The following LRRC49 variants were observed in gnomAD, a reference collection of about 807,000 sequenced individuals.
The protein encoded by LRRC49 is leucine rich repeat containing 49.
In LRRC49, 50 loss-of-function variants were observed where a neutral mutation model predicts 83.3. The ratio of observed to expected loss-of-function variants is 0.60; its 90% CI spans 0.48 to 0.76. LRRC49 has a LOEUF of 0.76. Among genes scored for constraint, LRRC49 ranks in the 30% least tolerant of loss-of-function variants. The pLI, the probability that LRRC49 is intolerant of heterozygous loss-of-function variation, is 0.00. For missense variants in LRRC49, 704 were observed against 809.1 expected (o/e 0.87, Z 1.58); for synonymous variants, 286 against 283.3 (o/e 1.01, Z -0.10).
chr15:70,954,162 T>G (rs2036317681), intron 8 of LRRC49, among the ~76,000 whole-genome samples: 1 of 152,246 alleles, frequency 6.6e-6, no homozygotes, highest in Non-Finnish European at 1.5e-5. Flanking sequence ...CCCAAAGTGC[T>G]GGGATTACAG....
At chr15:70,977,638 C>T (rs2037253616) in intron 9 of LRRC49, among the ~76,000 whole-genome samples, 1 of 152,030 alleles carries the variant, frequency 6.6e-6, no homozygotes, top group Non-Finnish European at 1.5e-5. Context: ...AAGCAAGACA[C>T]AAGACTGTCT....
At chr15:71,016,505 G>A (rs2038832060) in intron 14 of LRRC49, among the ~76,000 whole-genome samples, 2 of 151,780 alleles carry the variant, frequency 1.3e-5, no homozygotes, top group African/African-American at 2.4e-5. Context: ...ATGGAAAAAA[G>A]AAGTTCATAA....
intron 5 of LRRC49, among the ~76,000 whole-genome samples, chr15:70,905,992 G>A (rs552112988): frequency 5.6e-4 from 85 of 151,604 alleles, no homozygotes; most frequent in African/African-American, 2.0e-3. Flanking sequence ...CTTAGGAAAA[G>A]TATCTTAAAT....
chr15:70,892,298 C>T, upstream of LRRC49: 1 of 1,551,576 alleles, frequency 6.4e-7, no homozygotes, highest in Non-Finnish European at 8.7e-7. Context: ...TGCGCGGGAG[C>T]CGGGTTCCCT....
intron 14 of LRRC49, among the ~76,000 whole-genome samples, chr15:71,035,828 A>G (rs1477548019): frequency 6.6e-6 from 1 of 152,118 alleles, no homozygotes; most frequent in African/African-American, 2.4e-5. Flanking sequence ...GTTATAATAG[A>G]ATGACTTATA....
intron 7 of LRRC49, among the ~76,000 whole-genome samples, chr15:70,933,854 G>T (rs2035502808): frequency 6.6e-6 from 1 of 152,190 alleles, no homozygotes; most frequent in Non-Finnish European, 1.5e-5. Flanking sequence ...CTTGGACCAT[G>T]ATGTTAAACT....
intron 11 of LRRC49, among the ~76,000 whole-genome samples, chr15:70,995,697 G>A (rs537515468): frequency 3.3e-5 from 5 of 152,122 alleles, no homozygotes; most frequent in Non-Finnish European, 5.9e-5. Flanking sequence ...CTATTAACGT[G>A]ACTTTCATGA....
At chr15:70,892,173 C>G (rs1471087980), upstream of LRRC49, 1 of 1,611,226 alleles carries the variant, frequency 6.2e-7, no homozygotes, top group Non-Finnish European at 8.5e-7. Flanking sequence ...ACGAAGCGGT[C>G]CCAGAGCAGC....
chr15:70,888,186 T>G (rs909282263), upstream of LRRC49, among the ~76,000 whole-genome samples: 2 of 152,196 alleles, frequency 1.3e-5, no homozygotes, highest in Non-Finnish European at 2.9e-5. Flanking sequence ...AAATCAATTC[T>G]GAAATGTATC....
chr15:70,913,433 C>T (rs925242431), intron 6 of LRRC49, among the ~76,000 whole-genome samples: 5 of 152,104 alleles, frequency 3.3e-5, no homozygotes, highest in African/African-American at 1.2e-4. Flanking sequence ...TTGTCTGGCT[C>T]TGCAGGTTAG....
At chr15:70,936,214 T>G (rs2035592139) in intron 7 of LRRC49, among the ~76,000 whole-genome samples, 1 of 152,178 alleles carries the variant, frequency 6.6e-6, no homozygotes, top group African/African-American at 2.4e-5. Context: ...TACAGTACCC[T>G]TCAGTGACAC....
At chr15:70,932,753 G>A (rs111337321) in intron 7 of LRRC49, among the ~76,000 whole-genome samples, 5,002 of 122,010 alleles carry the variant, frequency 0.041, 144 homozygotes, top group Middle Eastern at 0.069. Flanking sequence ...TTTTTGAGAT[G>A]GAGTCTTGCT....
At chr15:70,996,698 C>G (rs1278660286) in intron 11 of LRRC49, among the ~76,000 whole-genome samples, 2 of 152,110 alleles carry the variant, frequency 1.3e-5, no homozygotes, top group Non-Finnish European at 2.9e-5. Context: ...GTATCTAAAT[C>G]TCTGTTTTTT....
chr15:70,948,660 A>G (rs1401294244), intron 8 of LRRC49, among the ~76,000 whole-genome samples: 2 of 152,046 alleles, frequency 1.3e-5, no homozygotes, highest in Non-Finnish European at 2.9e-5. Context: ...GCCCAACAAG[A>G]TGTTCCAGGC....
At chr15:71,032,724 C>T (rs1288027111) in intron 14 of LRRC49, among the ~76,000 whole-genome samples, 1 of 152,082 alleles carries the variant, frequency 6.6e-6, no homozygotes, top group East Asian at 1.9e-4. Flanking sequence ...AATCAATAAA[C>T]GTAATTCATC....
intron 3 of LRRC49, among the ~76,000 whole-genome samples, chr15:70,898,018 A>G (rs1354335840): frequency 6.6e-6 from 1 of 152,216 alleles, no homozygotes; most frequent in Non-Finnish European, 1.5e-5. Flanking sequence ...GGTTACCAAA[A>G]CAATCTCAAA....
At chr15:71,040,931 A>C (rs1230774138) in intron 15 of LRRC49, among the ~76,000 whole-genome samples, 3 of 152,174 alleles carry the variant, frequency 2.0e-5, no homozygotes, top group African/African-American at 7.2e-5. Flanking sequence ...GAACTGCAAG[A>C]AGCTTTTAGG....
chr15:70,923,672 T>C (rs1216657646), intron 7 of LRRC49, among the ~76,000 whole-genome samples: 1 of 151,888 alleles, frequency 6.6e-6, no homozygotes, highest in African/African-American at 2.4e-5. Context: ...TAATTTGATA[T>C]AATTTCAGAA....
intron 14 of LRRC49, among the ~76,000 whole-genome samples, chr15:71,033,320 T>C (rs1190691350): frequency 6.6e-6 from 1 of 152,162 alleles, no homozygotes; most frequent in African/African-American, 2.4e-5. Flanking sequence ...GTGAAGGACC[T>C]CTTCAAGGAG....
Sources: allele counts gnomAD v4.1 joint callset (sites outside exome capture counted in the v4.1 genomes callset), GRCh38; gene constraint gnomAD v4.1.1; transcripts MANE v1.5; gene names NCBI Gene and HGNC (gene_info 2026-07-23, HGNC 2026-07-21).